DAB1: variants seen among roughly 807,000 people sequenced by gnomAD.
The protein encoded by DAB1 is disabled homolog 1.
DAB1 carries 15 observed loss-of-function variants against 64.6 expected under a neutral mutation model. The ratio of observed to expected loss-of-function variants is 0.23; its 90% CI spans 0.16 to 0.36. The LOEUF is 0.36. Ranked by LOEUF, DAB1 falls within the 10% of genes least tolerant of loss-of-function variation. The probability of loss-of-function intolerance (pLI) is 1.00; values close to 1 mark genes in which losing one functional copy is unlikely to be tolerated. For synonymous variants in DAB1, 235 were observed against 251.9 expected (o/e 0.93, Z 0.64); for missense variants, 596 against 706.7 (o/e 0.84, Z 1.78).
intron 7 of DAB1, among the ~76,000 whole-genome samples, chr1:57,623,579 G>A (rs1326776511): frequency 2.6e-5 from 4 of 152,128 alleles, no homozygotes; most frequent in East Asian, 1.9e-4. Flanking sequence ...GAATGATATT[G>A]TTAGGCTCTG....
intron 6 of DAB1, among the ~76,000 whole-genome samples, chr1:57,797,446 G>A (rs7544285): frequency 0.15 from 22,472 of 152,212 alleles, 1,868 homozygotes; most frequent in East Asian, 0.26. Flanking sequence ...TTCTCTTCAC[G>A]TTCTTCTATA....
chr1:57,668,297 A>G (rs189260748), intron 6 of DAB1, among the ~76,000 whole-genome samples: 18 of 152,108 alleles, frequency 1.2e-4, no homozygotes, highest in Admixed American at 3.3e-4. Context: ...TTATACTTCT[A>G]TTGAACAGCA....
intron 4 of DAB1, among the ~76,000 whole-genome samples, chr1:58,207,591 A>G (rs1183696204): frequency 7.2e-5 from 11 of 152,182 alleles, no homozygotes. Flanking sequence ...TTTACCTGTG[A>G]CTGTCCTGGT....
At chr1:57,607,047 A>G (rs1160669373) in intron 7 of DAB1, among the ~76,000 whole-genome samples, 1 of 65,460 alleles carries the variant, frequency 1.5e-5, no homozygotes, top group Non-Finnish European at 3.1e-5. Context: ...TCGGCCTCCC[A>G]ATGTGCTGGG....
At chr1:57,904,767 G>A (rs181430399) in intron 5 of DAB1, among the ~76,000 whole-genome samples, 75 of 152,236 alleles carry the variant, frequency 4.9e-4, no homozygotes, top group African/African-American at 1.7e-3. Context: ...TAAAGCCAGC[G>A]CAGCTTAAGG....
At chr1:57,262,439 T>G (rs960207399) in intron 2 of DAB1, among the ~76,000 whole-genome samples, 22 of 152,206 alleles carry the variant, frequency 1.4e-4, no homozygotes, top group African/African-American at 5.3e-4. Context: ...CCTGTGCTCC[T>G]ACCCCAGATG....
At chr1:58,221,255 G>A (rs1157251224) in intron 4 of DAB1, among the ~76,000 whole-genome samples, 1 of 152,030 alleles carries the variant, frequency 6.6e-6, no homozygotes, top group South Asian at 2.1e-4. Flanking sequence ...GGAGTAGCAG[G>A]GTCAAATATA....
At chr1:57,417,112 C>A (rs1684548812) in intron 1 of DAB1, among the ~76,000 whole-genome samples, 1 of 152,030 alleles carries the variant, frequency 6.6e-6, no homozygotes, top group Non-Finnish European at 1.5e-5. Flanking sequence ...ACTATGTCTG[C>A]CAAGAGAAGG....
At chr1:57,425,178 T>TGTA (rs1160071916), upstream of DAB1, among the ~76,000 whole-genome samples, 1 of 152,092 alleles carries the variant, frequency 6.6e-6, no homozygotes, top group Non-Finnish European at 1.5e-5. Context: ...GTGCATAATA[T>TGTA]GTAGATTCGC....
intron 6 of DAB1, among the ~76,000 whole-genome samples, chr1:57,769,576 C>G (rs777699357): frequency 3.9e-5 from 6 of 152,194 alleles, no homozygotes; most frequent in Non-Finnish European, 7.4e-5. Context: ...CACTTCCTCC[C>G]CTTACAGGCT....
intron 5 of DAB1, among the ~76,000 whole-genome samples, chr1:58,107,892 C>T (rs987323288): frequency 4.6e-5 from 7 of 152,072 alleles, no homozygotes; most frequent in African/African-American, 1.4e-4. Flanking sequence ...GCTGGGATTA[C>T]AGGTGTGAGC....
upstream of DAB1, chr1:57,884,213 GGA>G (rs1644189302): frequency 2.0e-5 from 3 of 152,318 alleles, no homozygotes; most frequent in Admixed American, 6.5e-5. Context: ...AAGAGAAAGA[GGA>G]TAAAGTACAA....
intron 3 of DAB1, among the ~76,000 whole-genome samples, chr1:58,377,200 ATG>A (rs1217213157): frequency 1.3e-5 from 2 of 150,808 alleles, no homozygotes; most frequent in African/African-American, 4.9e-5. Flanking sequence ...ATCTTGTTAT[ATG>A]TGAATTTGAT....
chr1:58,146,400 T>C (rs1399619962), intron 5 of DAB1, among the ~76,000 whole-genome samples: 1 of 152,208 alleles, frequency 6.6e-6, no homozygotes, highest in Non-Finnish European at 1.5e-5. Context: ...ATTTCTTATA[T>C]ATAATACAAT....
chr1:58,237,901 C>CA (rs1197469804), intron 4 of DAB1, among the ~76,000 whole-genome samples: 1 of 152,080 alleles, frequency 6.6e-6, no homozygotes, highest in Admixed American at 6.6e-5. Context: ...AAATAATAGC[C>CA]AACTCATTGT....
rs116797552 is a variant in DAB1 at position 58,279,897 on chromosome 1, G to A, written n.309+63455C>T. Among the ~76,000 whole-genome samples the A allele has an allele frequency of 3.0e-3, 453 of 152,220 alleles. 3 individuals carry two copies. Among genetic ancestry groups the A allele is most frequent in the African/African-American group, 0.01 (421 of 41,544 alleles). On this transcript the variant is annotated intron_variant and non_coding_transcript_variant, in intron 4 of 20. Coordinates refer to the DAB1 transcript ENST00000485760. ...TCAGAGCCTTTGCCGTGACTTTGCAGATCGGCTCCATTGAGCTCTCATAGA... is the reference window on the plus strand; with the variant it reads ...TCAGAGCCTTTGCCGTGACTTTGCAAATCGGCTCCATTGAGCTCTCATAGA...
intron 9 of DAB1, among the ~76,000 whole-genome samples, chr1:57,044,665 T>C (rs1648237164): frequency 2.6e-5 from 4 of 152,214 alleles, no homozygotes; most frequent in Admixed American, 2.0e-4. Flanking sequence ...GTTTGCTATA[T>C]CTGTTCTATG....
At chr1:58,173,288 T>G (rs1656278031) in intron 4 of DAB1, among the ~76,000 whole-genome samples, 1 of 152,200 alleles carries the variant, frequency 6.6e-6, no homozygotes, top group African/African-American at 2.4e-5. Flanking sequence ...AATTACACTC[T>G]ACCACTTCAA....
chr1:58,356,450 G>A (rs1644112475), intron 3 of DAB1, among the ~76,000 whole-genome samples: 1 of 152,120 alleles, frequency 6.6e-6, no homozygotes, highest in Non-Finnish European at 1.5e-5. Context: ...GTACTATGCA[G>A]ATCATTATTG....
Sources: gnomAD v4.1 joint callset for allele counts (sites outside exome capture counted in the v4.1 genomes callset) on GRCh38, gnomAD v4.1.1 for gene constraint, MANE v1.5 for transcripts, NCBI Gene and HGNC (gene_info 2026-07-23, HGNC 2026-07-21) for gene names.